LRMDA: variants seen among roughly 807,000 people sequenced by gnomAD.
LRMDA encodes leucine-rich melanocyte differentiation-associated protein.
A neutral mutation model predicts 29.8 loss-of-function variants in LRMDA; 18 were observed. The ratio of observed to expected loss-of-function variants is 0.60; its 90% CI spans 0.42 to 0.90. The LOEUF (loss-of-function observed/expected upper bound fraction) is 0.90, where lower values mean the gene tolerates loss of function less well. Among genes scored for constraint, LRMDA ranks in the 40% least tolerant of loss-of-function variants. The probability of loss-of-function intolerance (pLI) is 0.00; values close to 1 mark genes in which losing one functional copy is unlikely to be tolerated. For synonymous variants in LRMDA, 125 were observed against 109.4 expected (o/e 1.14, Z -0.89); for missense variants, 273 against 273.9 (o/e 1.00, Z 0.02).
At chr10:75,966,920 C>T (rs1357118554) in intron 2 of LRMDA, among the ~76,000 whole-genome samples, 1 of 152,174 alleles carries the variant, frequency 6.6e-6, no homozygotes, top group Non-Finnish European at 1.5e-5. Context: ...AGATATACAC[C>T]CAACTAATAG....
chr10:76,557,913 T>TA lies in LRMDA; in HGVS notation c.*627dup, dbSNP rs1437812073. On this transcript the variant is annotated 3_prime_UTR_variant, in exon 7 of 7. Coordinates refer to ENST00000611255, the MANE Select transcript of LRMDA (RefSeq NM_001305581.2). The stretch of plus-strand genomic sequence containing the variant: ...TTGCAGTTTTTCGGAGAACAAGGTA[T>TA]AACTTCCCAGCCAGGTCATACATTT... The TA allele has an allele frequency of 3.9e-5, 6 of 152,298 alleles. No individual in the cohort carries two copies. Among genetic ancestry groups the TA allele is most frequent in the Admixed American group, 3.3e-4 (5 of 15,292 alleles). The allele number at this position is 152,298 out of a possible 1,614,324, so 9.4% of individuals were successfully genotyped here.
At chr10:75,656,734 T>G (rs1841680248) in intron 2 of LRMDA, among the ~76,000 whole-genome samples, 1 of 152,230 alleles carries the variant, frequency 6.6e-6, no homozygotes, top group Admixed American at 6.5e-5. Flanking sequence ...GTTAAGAGAT[T>G]AGAATCTTAA....
chr10:75,831,298 T>C (rs1024899609), intron 2 of LRMDA, among the ~76,000 whole-genome samples: 3 of 152,184 alleles, frequency 2.0e-5, no homozygotes, highest in Non-Finnish European at 4.4e-5. Flanking sequence ...CCACCCATCT[T>C]GGTCTCCCAA....
At chr10:75,920,089 G>A (rs1290968073) in intron 2 of LRMDA, among the ~76,000 whole-genome samples, 3 of 152,102 alleles carry the variant, frequency 2.0e-5, no homozygotes, top group Non-Finnish European at 4.4e-5. Flanking sequence ...TCTCCTGGGG[G>A]TTGGGTTTAG....
At chr10:75,447,807 G>C (rs1299475689) in intron 2 of LRMDA, among the ~76,000 whole-genome samples, 1 of 152,018 alleles carries the variant, frequency 6.6e-6, no homozygotes, top group Non-Finnish European at 1.5e-5. Context: ...GAGGTGGGAG[G>C]ATCACTTGAA....
intron 6 of LRMDA, among the ~76,000 whole-genome samples, chr10:76,368,167 C>G (rs549234398): frequency 2.6e-5 from 4 of 152,022 alleles, no homozygotes; most frequent in Non-Finnish European, 5.9e-5. Context: ...TCTTGTTTCT[C>G]TAGTTTTTTG....
chr10:76,299,589 AC>A (rs965343701), intron 5 of LRMDA, among the ~76,000 whole-genome samples: 3 of 120,148 alleles, frequency 2.5e-5, no homozygotes, highest in African/African-American at 6.5e-5. Flanking sequence ...CCTTTGAACC[AC>A]CCCCCTTCCT....
chr10:76,488,400 C>G (rs905521648), intron 6 of LRMDA, among the ~76,000 whole-genome samples: 2 of 151,724 alleles, frequency 1.3e-5, no homozygotes, highest in African/African-American at 4.8e-5. Flanking sequence ...TTCACATTTT[C>G]TAGACTATTA....
chr10:76,274,661 G>A (rs1019475393), intron 5 of LRMDA, among the ~76,000 whole-genome samples: 5 of 151,856 alleles, frequency 3.3e-5, no homozygotes, highest in African/African-American at 1.2e-4. Flanking sequence ...ATGTATCAGG[G>A]CAAAAAAAGA....
chr10:76,132,283 C>T (rs779945332), intron 5 of LRMDA, among the ~76,000 whole-genome samples: 1 of 152,084 alleles, frequency 6.6e-6, no homozygotes, highest in Non-Finnish European at 1.5e-5. Flanking sequence ...CAGACCTGTG[C>T]TTGAGAGATG....
rs759115018 is a variant in LRMDA at position 76,493,546 on chromosome 10, C to T, written c.602-63663C>T. Among the ~76,000 whole-genome samples the T allele has an allele frequency of 2.6e-4, 40 of 152,186 alleles. 1 individual carries two copies. Among genetic ancestry groups the T allele is most frequent in the Middle Eastern group, 6.8e-3 (2 of 294 alleles). On this transcript the variant is annotated intron_variant, in intron 6 of 6. Transcript: ENST00000611255. ...TTGTAAAACGGTATTCAATTATGTA[C>T]GTATACATGTGAGTATATTTCTAGA...
intron 6 of LRMDA, among the ~76,000 whole-genome samples, chr10:76,379,333 T>C (rs571847825): frequency 2.0e-4 from 30 of 152,280 alleles, no homozygotes; most frequent in African/African-American, 6.3e-4. Context: ...GGTAGAATTC[T>C]GCTGTGAATC....
intron 5 of LRMDA, among the ~76,000 whole-genome samples, chr10:76,265,342 G>A (rs1023441819): frequency 4.6e-5 from 7 of 152,166 alleles, no homozygotes; most frequent in African/African-American, 1.7e-4. Context: ...TGAAAGTTGA[G>A]TGTCATCTCT....
chr10:75,564,419 T>C (rs140345089), intron 2 of LRMDA, among the ~76,000 whole-genome samples: 1,834 of 152,326 alleles, frequency 0.012, 32 homozygotes, highest in African/African-American at 0.039. Flanking sequence ...TGACCCAATT[T>C]TCCAGGTGCC....
At chr10:75,897,732 A>C (rs1845606674) in intron 2 of LRMDA, among the ~76,000 whole-genome samples, 1 of 151,796 alleles carries the variant, frequency 6.6e-6, no homozygotes, top group African/African-American at 2.4e-5. Context: ...TCAAATACTC[A>C]TATTCAAGGA....
intron 2 of LRMDA, among the ~76,000 whole-genome samples, chr10:75,588,954 A>G (rs1272744838): frequency 6.6e-6 from 1 of 152,228 alleles, no homozygotes; most frequent in Admixed American, 6.5e-5. Flanking sequence ...TTAAAATTTT[A>G]TAGGTATATA....
intron 6 of LRMDA, among the ~76,000 whole-genome samples, chr10:76,462,124 T>C (rs1364131777): frequency 6.8e-6 from 1 of 147,708 alleles, no homozygotes; most frequent in Admixed American, 6.7e-5. Context: ...AACCAGAATG[T>C]GAACAACAAC....
rs530749042 is a variant in LRMDA at position 75,751,988 on chromosome 10, C to T, written c.132-284020C>T. Among the ~76,000 whole-genome samples the T allele has an allele frequency of 1.5e-4, 22 of 151,590 alleles. No individual in the cohort carries two copies. In the South Asian group the frequency reaches 4.4e-3, roughly 30 times the overall value. ...TTAGTTTAAATCTAGGGGAAAATGACGAGTTTGGTGCTGCACTTTAATATC... is the reference window on the plus strand; with the variant it reads ...TTAGTTTAAATCTAGGGGAAAATGATGAGTTTGGTGCTGCACTTTAATATC... On this transcript the variant is annotated intron_variant, in intron 2 of 6. Coordinates refer to ENST00000611255, the MANE Select transcript of LRMDA (RefSeq NM_001305581.2).
chr10:76,250,151 G>T (rs952324853), intron 5 of LRMDA, among the ~76,000 whole-genome samples: 6 of 152,152 alleles, frequency 3.9e-5, no homozygotes, highest in South Asian at 2.1e-4. Context: ...CATGACTAAG[G>T]TTCTCATTGC....
Sources: allele counts gnomAD v4.1 joint callset (sites outside exome capture counted in the v4.1 genomes callset), GRCh38; gene constraint gnomAD v4.1.1; transcripts MANE v1.5; gene names NCBI Gene and HGNC (gene_info 2026-07-23, HGNC 2026-07-21).